KCNJ8: variants seen among roughly 807,000 people sequenced by gnomAD.
KCNJ8 encodes the protein ATP-sensitive inward rectifier potassium channel 8.
In KCNJ8, 13 loss-of-function variants were observed where a neutral mutation model predicts 28.2. The observed-to-expected ratio is 0.46, with a 90% CI of 0.30 to 0.73. KCNJ8 has a LOEUF of 0.73. Ranked by LOEUF, KCNJ8 falls within the 30% of genes least tolerant of loss-of-function variation. KCNJ8 has a pLI of 0.07. For synonymous variants in KCNJ8, 188 were observed against 195.9 expected (o/e 0.96, Z 0.34); for missense variants, 284 against 542.6 (o/e 0.52, Z 4.73).
chr12:21,766,292 G>A lies in KCNJ8; in HGVS notation c.706C>T (p.Pro236Ser). The change falls in exon 3 of 3, where the codon CCT becomes TCT. Residue 236 changes from proline to serine, a missense_variant. Coordinates refer to ENST00000240662, the MANE Select transcript of KCNJ8 (RefSeq NM_004982.4). This position sits in a 1 kb window ranked among gnomAD's most constrained non-coding sequence, Gnocchi z 6.5. ...TGAATAGGAACCACCTCCCCTTCAG[G>A]TGTAGTTGTTTTCTTGACCACCTGG... ...RIQVVKKTTT[P>S]EGEVVPIHQL... 3 of 1,613,984 alleles carry A rather than the reference G, an allele frequency of 1.9e-6. No individual in the cohort carries two copies. Among genetic ancestry groups the A allele is most frequent in the Middle Eastern group, 1.6e-4 (1 of 6,084 alleles).
chr12:21,773,826 G>A lies in KCNJ8; in HGVS notation c.-70-140C>T. 1 of 623,272 alleles carries A rather than the reference G, an allele frequency of 1.6e-6. No homozygotes were observed. Among genetic ancestry groups the A allele is most frequent in the Non-Finnish European group, 2.8e-6 (1 of 358,406 alleles). 38.6% of individuals were successfully genotyped at this position (623,272 alleles called of 1,614,324 possible). ...ATGTGATTTTTACTAACCCAAACAT[G>A]AATCTAGCTTGTGCTTGAGTTCTGG... is the stretch of plus-strand genomic sequence containing the variant. On this transcript the variant is annotated intron_variant, in intron 1 of 2. Transcript: ENST00000240662. The surrounding 1 kb of genome is among the most constrained non-coding windows in gnomAD (Gnocchi z 4.6).
intron 1 of KCNJ8, 60 bp downstream of exon 1, chr12:21,774,486 A>G (rs1319983026): frequency 4.6e-5 from 7 of 152,116 alleles, no homozygotes; most frequent in African/African-American, 1.7e-4. Flanking sequence ...ATTTTAAATC[A>G]TTTACGGGAA....
At chr12:21,774,395 C>T (rs1411347976) in intron 1 of KCNJ8, among the ~76,000 whole-genome samples, 151 bp downstream of exon 1, 1 of 149,930 alleles carries the variant, frequency 6.7e-6, no homozygotes, top group African/African-American at 2.5e-5. Flanking sequence ...GGAAAAAACC[C>T]AAGACAACAG....
chr12:21,767,052 G>T (rs979175811), intron 2 of KCNJ8, among the ~76,000 whole-genome samples: 2 of 151,988 alleles, frequency 1.3e-5, no homozygotes, highest in African/African-American at 2.4e-5. Context: ...TATTTATTGC[G>T]TATCTATGTT....
chr12:21,773,824 A>C lies in KCNJ8; in HGVS notation c.-70-138T>G. 1.6e-6 allele frequency: 1 copy of C among 624,032 alleles called. No individual in the cohort carries two copies. The highest frequency in any genetic ancestry group is 2.8e-6 in the Non-Finnish European group (1 of 358,602). 38.7% of individuals were successfully genotyped at this position (624,032 alleles called of 1,614,324 possible). A position where few individuals can be genotyped will look rare whatever the true frequency, so the allele number is the denominator to read the frequency against. ...AAATGTGATTTTTACTAACCCAAAC[A>C]TGAATCTAGCTTGTGCTTGAGTTCT... On this transcript the variant is annotated intron_variant, in intron 1 of 2. Coordinates refer to ENST00000240662, the MANE Select transcript of KCNJ8 (RefSeq NM_004982.4). This position sits in a 1 kb window ranked among gnomAD's most constrained non-coding sequence, Gnocchi z 4.6.
chr12:21,773,767 C>G lies in KCNJ8; in HGVS notation c.-70-81G>C. 9.7e-7 allele frequency: 1 copy of G among 1,034,610 alleles called. No individual in the cohort carries two copies. Among genetic ancestry groups the G allele is most frequent in the Admixed American group, 2.0e-5 (1 of 50,110 alleles). 64.1% of individuals were successfully genotyped at this position (1,034,610 alleles called of 1,614,324 possible). A position where few individuals can be genotyped will look rare whatever the true frequency, so the allele number is the denominator to read the frequency against. The stretch of plus-strand genomic sequence containing the variant: ...TGGGTCCTTGTATTCAAGGATATGT[C>G]TGTACATGTGCGAGGTGACATGCAA... On this transcript the variant is annotated intron_variant, in intron 1 of 2. Transcript: ENST00000240662. The surrounding 1 kb of genome is among the most constrained non-coding windows in gnomAD (Gnocchi z 4.6).
intron 2 of KCNJ8, among the ~76,000 whole-genome samples, chr12:21,772,838 G>A (rs1007689428): frequency 3.9e-5 from 6 of 152,126 alleles, no homozygotes; most frequent in African/African-American, 1.2e-4. Context: ...CAAGAAAAAT[G>A]TCCACTAGCA....
rs757660202 is a variant in KCNJ8, at chr12:21,765,743, G to C, written c.1255C>G (p.Gln419Glu). Residue 419 changes from glutamine to glutamate, a missense_variant, in exon 3 of 3, where the codon CAA becomes GAA. Gln to Glu is a conservative substitution (Grantham distance 29, BLOSUM62 2). Transcript: ENST00000240662. The stretch of plus-strand genomic sequence containing the variant: ...TGCTGTCATGATTCCGATGTGTTTT[G>C]ATTTCCTTCTGGAGTCATAAATTGC... Reference protein sequence around the residue: ...KVQFMTPEGNQNTSES With the variant: ...KVQFMTPEGNENTSES 8 of 1,613,928 alleles carry C rather than the reference G, an allele frequency of 5.0e-6. No individual in the cohort carries two copies. In the South Asian group the frequency reaches 8.8e-5, roughly 18 times the overall value.
intron 2 of KCNJ8, among the ~76,000 whole-genome samples, chr12:21,772,676 G>T (rs1431571091): frequency 6.6e-6 from 1 of 152,162 alleles, no homozygotes; most frequent in Non-Finnish European, 1.5e-5. Flanking sequence ...TCTGAATCCA[G>T]TGCAAGCAAT....
chr12:21,773,400 G>A lies in KCNJ8; in HGVS notation c.217C>T (p.Leu73=). 6.2e-7 allele frequency: 1 copy of A among 1,614,278 alleles called. No homozygotes were observed. Among genetic ancestry groups the A allele is most frequent in the Non-Finnish European group, 8.5e-7 (1 of 1,180,052 alleles). Residue 73 remains leucine, a synonymous_variant, in exon 2 of 3, where the codon CTG becomes TTG. Transcript: ENST00000240662. This position sits in a 1 kb window ranked among gnomAD's most constrained non-coding sequence, Gnocchi z 4.6. The part of the protein sequence containing the change: ...TLVDLKWRHT[L]VIFTMSFLCS... ...AGGAAGGACATGGTAAAGATGACCA[G>A]CGTGTGGCGCCATTTCAGGTCCACC...
rs1940632641 is a variant in KCNJ8 at position 21,766,768 on chromosome 12, A to C, written c.375-145T>G. On this transcript the variant is annotated intron_variant, in intron 2 of 2. Transcript: ENST00000240662. This position sits in a 1 kb window ranked among gnomAD's most constrained non-coding sequence, Gnocchi z 6.5. The stretch of plus-strand genomic sequence containing the variant: ...GCCAACTTAAACTTGTAAAATGCCT[A>C]ATTCTAAACTGTGTTTAGAACAGTC... 1 of 714,428 alleles carries C rather than the reference A, an allele frequency of 1.4e-6. No homozygotes were observed. The highest frequency in any genetic ancestry group is 2.7e-5 in the East Asian group (1 of 37,090). The allele number at this position is 714,428 out of a possible 1,614,324, so 44.3% of individuals were successfully genotyped here. A position where few individuals can be genotyped will look rare whatever the true frequency, so the allele number is the denominator to read the frequency against.
In KCNJ8 at chr12:21,773,199, T is replaced by C. The variant is rs529822778; in HGVS notation, c.374+44A>G. The C allele has an allele frequency of 3.0e-4, 479 of 1,602,672 alleles. 5 individuals carry two copies. In the South Asian group the frequency reaches 4.9e-3, roughly 17 times the overall value. On this transcript the variant is annotated intron_variant, in intron 2 of 2. Transcript: ENST00000240662. This position sits in a 1 kb window ranked among gnomAD's most constrained non-coding sequence, Gnocchi z 4.6. Reference sequence around the variant, plus strand: ...AGAGAAAGGGCATTTTGACATTTTTTCTCTACTGTTTTCAACCCCTGCCTC... The same window carrying C: ...AGAGAAAGGGCATTTTGACATTTTTCCTCTACTGTTTTCAACCCCTGCCTC...
In KCNJ8 at chr12:21,765,563, T is replaced by G. The variant is rs1940597585; in HGVS notation, c.*160A>C. Reference sequence around the variant, plus strand: ...GAATCCTCCACTTGGTGTGTTACTTTTTATTACTACAGAAAGTGCTGTTGC... The same window carrying G: ...GAATCCTCCACTTGGTGTGTTACTTGTTATTACTACAGAAAGTGCTGTTGC... On this transcript the variant is annotated 3_prime_UTR_variant, in exon 3 of 3. Coordinates refer to ENST00000240662, the MANE Select transcript of KCNJ8 (RefSeq NM_004982.4). The G allele has an allele frequency of 1.4e-6, 1 of 697,846 alleles. No homozygotes were observed. Among genetic ancestry groups the G allele is most frequent in the South Asian group, 1.7e-5 (1 of 59,828 alleles). 43.2% of individuals were successfully genotyped at this position (697,846 alleles called of 1,614,324 possible). A position where few individuals can be genotyped will look rare whatever the true frequency, so the allele number is the denominator to read the frequency against.
chr12:21,768,257 C>T (rs1940680346), intron 2 of KCNJ8, among the ~76,000 whole-genome samples: 1 of 152,156 alleles, frequency 6.6e-6, no homozygotes, highest in African/African-American at 2.4e-5. Context: ...TCACCTCCTG[C>T]TATGTGGCCT....
chr12:21,773,747 C>A lies in KCNJ8; in HGVS notation c.-70-61G>T. 7.9e-7 allele frequency: 1 copy of A among 1,270,234 alleles called. No individual in the cohort carries two copies. The highest frequency in any genetic ancestry group is 1.1e-6 in the Non-Finnish European group (1 of 890,916). The allele number at this position is 1,270,234 out of a possible 1,614,324, so 78.7% of individuals were successfully genotyped here. On this transcript the variant is annotated intron_variant, in intron 1 of 2. Transcript: ENST00000240662. The surrounding 1 kb of genome is among the most constrained non-coding windows in gnomAD (Gnocchi z 4.6). ...CCCACCCTATCCTCACCTCTTGGGT[C>A]CTTGTATTCAAGGATATGTCTGTAC... is the stretch of plus-strand genomic sequence containing the variant.
chr12:21,766,859 C>T lies in KCNJ8; in HGVS notation c.375-236G>A, dbSNP rs1200940813. ...ATTAACATTCTATTAATTAAGTTCC[C>T]TTAAGCTAAGGCCTAATTCTATTAA... is the stretch of plus-strand genomic sequence containing the variant. On this transcript the variant is annotated intron_variant, in intron 2 of 2. Transcript: ENST00000240662. This position sits in a 1 kb window ranked among gnomAD's most constrained non-coding sequence, Gnocchi z 6.5. Among the ~76,000 whole-genome samples, 1 of 152,174 alleles carries T rather than the reference C, an allele frequency of 6.6e-6. No homozygotes were observed. The highest frequency in any genetic ancestry group is 1.5e-5 in the Non-Finnish European group (1 of 68,040).
intron 2 of KCNJ8, among the ~76,000 whole-genome samples, chr12:21,767,591 C>G (rs1940661463): frequency 6.6e-6 from 1 of 152,196 alleles, no homozygotes; most frequent in South Asian, 2.1e-4. Context: ...CCACCCCCAT[C>G]AGTGGAAAAA....
intron 2 of KCNJ8, among the ~76,000 whole-genome samples, chr12:21,772,499 G>GC (rs1299048866): frequency 6.6e-6 from 1 of 152,150 alleles, no homozygotes; most frequent in Non-Finnish European, 1.5e-5. Flanking sequence ...TGAGAAAGAA[G>GC]CCAAAGTTAG....
Position 21,773,778 on chromosome 12 carries a change from C to A in KCNJ8, c.-70-92G>T, listed in dbSNP as rs540592961. 5.4e-6 allele frequency: 5 copies of A among 926,996 alleles called. No individual in the cohort carries two copies. The highest frequency in any genetic ancestry group is 2.5e-5 in the East Asian group (1 of 40,218). 57.4% of individuals were successfully genotyped at this position (926,996 alleles called of 1,614,324 possible). A position where few individuals can be genotyped will look rare whatever the true frequency, so the allele number is the denominator to read the frequency against. On this transcript the variant is annotated intron_variant, in intron 1 of 2. Transcript: ENST00000240662. The surrounding 1 kb of genome is among the most constrained non-coding windows in gnomAD (Gnocchi z 4.6). Reference sequence around the variant, plus strand: ...ATTCAAGGATATGTCTGTACATGTGCGAGGTGACATGCAAAACCAAAAATG... The same window carrying A: ...ATTCAAGGATATGTCTGTACATGTGAGAGGTGACATGCAAAACCAAAAATG...
Sources: gnomAD v4.1 joint callset for allele counts (sites outside exome capture counted in the v4.1 genomes callset) on GRCh38, gnomAD v4.1.1 for gene constraint, Gnocchi (gnomAD v3.1) non-coding constraint, MANE v1.5 for transcripts, NCBI Gene and HGNC (gene_info 2026-07-23, HGNC 2026-07-21) for gene names.